Variants in GSG1L observed in about 807,000 individuals in gnomAD.
The protein encoded by GSG1L is germ cell-specific gene 1-like protein.
Under a neutral mutation model 42.1 loss-of-function variants are expected in GSG1L, and 24 were observed. The ratio of observed to expected loss-of-function variants is 0.57; its 90% CI spans 0.41 to 0.80. The LOEUF (loss-of-function observed/expected upper bound fraction) is 0.80. Among genes scored for constraint, GSG1L ranks in the 30% least tolerant of loss-of-function variants. The pLI, the probability that GSG1L is intolerant of heterozygous loss-of-function variation, is 0.00. For missense variants in GSG1L, 445 were observed against 472.2 expected (o/e 0.94, Z 0.53); for synonymous variants, 215 against 203.5 (o/e 1.06, Z -0.48).
chr16:27,859,274 C>T (rs2083614783), intron 3 of GSG1L, among the ~76,000 whole-genome samples: 1 of 152,130 alleles, frequency 6.6e-6, no homozygotes. Context: ...TCTGGCTCTG[C>T]GAGGCCCACC....
chr16:28,043,047 G>A (rs2086125211), intron 1 of GSG1L, among the ~76,000 whole-genome samples: 1 of 152,204 alleles, frequency 6.6e-6, no homozygotes, highest in Non-Finnish European at 1.5e-5. Flanking sequence ...CCGAGCTCCA[G>A]AAAGTTAATT....
chr16:27,866,666 G>C (rs1369441287), intron 3 of GSG1L, among the ~76,000 whole-genome samples: 1 of 152,112 alleles, frequency 6.6e-6, no homozygotes, highest in Non-Finnish European at 1.5e-5. Context: ...CCGCCCCCCA[G>C]GTTCAAGCCA....
rs191147571 is a variant in GSG1L at position 27,848,993 on chromosome 16, C to T, written c.551-3932G>A. 8.6e-5 allele frequency among the ~76,000 whole-genome samples: 13 copies of T among 152,012 alleles called. No homozygotes were observed. In the East Asian group the frequency reaches 2.5e-3, roughly 30 times the overall value. On this transcript the variant is annotated intron_variant, in intron 3 of 6. Transcript: ENST00000447459. ...GGTGGATCACCTGAGGTCAGGGGTTCGAAACCAGCCTGACCAACATGGCAA... is the reference window on the plus strand; with the variant it reads ...GGTGGATCACCTGAGGTCAGGGGTTTGAAACCAGCCTGACCAACATGGCAA...
chr16:27,824,897 C>G (rs569482228), intron 5 of GSG1L, among the ~76,000 whole-genome samples: 42 of 152,388 alleles, frequency 2.8e-4, no homozygotes, highest in African/African-American at 8.9e-4. Context: ...CAGCTTTGGA[C>G]ATCTGGCTGC....
At chr16:27,830,238 T>C (rs1048470344) in intron 4 of GSG1L, among the ~76,000 whole-genome samples, 1 of 152,206 alleles carries the variant, frequency 6.6e-6, no homozygotes, top group African/African-American at 2.4e-5. Flanking sequence ...GTCTCTGCCT[T>C]GGTAACTGGT....
chr16:27,870,669 C>T (rs1412834607), intron 3 of GSG1L, among the ~76,000 whole-genome samples: 4 of 151,556 alleles, frequency 2.6e-5, no homozygotes, highest in African/African-American at 9.8e-5. Context: ...CTCACACGCC[C>T]AGAATGCACC....
chr16:28,042,516 G>A (rs2086118520), intron 1 of GSG1L, among the ~76,000 whole-genome samples: 2 of 151,796 alleles, frequency 1.3e-5, no homozygotes, highest in Non-Finnish European at 2.9e-5. Flanking sequence ...ATGCTAACCA[G>A]CAGTACCATT....
chr16:27,890,068 G>C (rs967702137), intron 2 of GSG1L, among the ~76,000 whole-genome samples: 12 of 152,170 alleles, frequency 7.9e-5, no homozygotes, highest in African/African-American at 2.9e-4. Context: ...CGTCAGGACA[G>C]AGTGGCCACT....
chr16:27,946,746 C>T (rs944895108), intron 2 of GSG1L, among the ~76,000 whole-genome samples: 1 of 151,892 alleles, frequency 6.6e-6, no homozygotes, highest in African/African-American at 2.4e-5. Context: ...GAATTCTGTG[C>T]GTTATTCTAT....
intron 1 of GSG1L, among the ~76,000 whole-genome samples, chr16:28,047,506 G>C (rs1015475379): frequency 6.6e-6 from 1 of 151,918 alleles, no homozygotes; most frequent in African/African-American, 2.4e-5. Context: ...TAAGACTCTC[G>C]GATTGTACCA....
At chr16:27,946,579 AAGAGAGAGAGAGAG>A (rs1166800286) in intron 2 of GSG1L, among the ~76,000 whole-genome samples, 19 of 37,032 alleles carry the variant, frequency 5.1e-4, no homozygotes, top group Middle Eastern at 0.014. Context: ...GAAAGAAAGA[AAGAGAGAGAGAGAG>A]AGAGAGAGAG....
At chr16:27,921,394 T>G (rs140596791) in intron 2 of GSG1L, among the ~76,000 whole-genome samples, 1 of 152,320 alleles carries the variant, frequency 6.6e-6, no homozygotes, top group East Asian at 1.9e-4. Context: ...GGTGCCGGTG[T>G]GTTGTTAAAG....
intron 5 of GSG1L, among the ~76,000 whole-genome samples, chr16:27,824,432 C>G (rs911621782): frequency 3.3e-5 from 5 of 152,152 alleles, no homozygotes; most frequent in African/African-American, 9.7e-5. Context: ...CCCTTGAGTT[C>G]CTGGCTGCGG....
intron 2 of GSG1L, among the ~76,000 whole-genome samples, chr16:27,930,996 T>C (rs986201980): frequency 1.3e-5 from 2 of 152,124 alleles, no homozygotes; most frequent in African/African-American, 4.8e-5. Context: ...AAGTGATTCT[T>C]CCGCCTCGGC....
intron 3 of GSG1L, among the ~76,000 whole-genome samples, chr16:27,872,591 G>T (rs2083835781): frequency 6.6e-6 from 1 of 152,158 alleles, no homozygotes; most frequent in African/African-American, 2.4e-5. Context: ...GAGTTAGGAG[G>T]TCGGCAGAAG....
intron 1 of GSG1L, among the ~76,000 whole-genome samples, chr16:27,982,899 C>T (rs981702232): frequency 6.6e-6 from 1 of 152,172 alleles, no homozygotes; most frequent in Non-Finnish European, 1.5e-5. Flanking sequence ...CCAGTCCCCA[C>T]CTCCAACATG....
intron 2 of GSG1L, among the ~76,000 whole-genome samples, chr16:27,907,125 T>C (rs914347970): frequency 6.6e-6 from 1 of 152,348 alleles, no homozygotes; most frequent in African/African-American, 2.4e-5. Context: ...CCTGGGAATT[T>C]GCAGAAACAT....
At chr16:28,021,281 A>C (rs2085839945) in intron 1 of GSG1L, among the ~76,000 whole-genome samples, 1 of 152,130 alleles carries the variant, frequency 6.6e-6, no homozygotes, top group African/African-American at 2.4e-5. Flanking sequence ...AGTGATAACT[A>C]ATCCAGATGG....
Position 28,040,030 on chromosome 16 carries a change from C to T in GSG1L, c.349+23046G>A, listed in dbSNP as rs1341848782. Among the ~76,000 whole-genome samples, 4 of 152,154 alleles carry T rather than the reference C, an allele frequency of 2.6e-5. No homozygotes were observed. Among genetic ancestry groups the T allele is most frequent in the Non-Finnish European group, 5.9e-5 (4 of 68,024 alleles). On this transcript the variant is annotated intron_variant, in intron 1 of 6. Transcript: ENST00000447459. The surrounding 1 kb of genome is among the most constrained non-coding windows in gnomAD (Gnocchi z 4.1). ...CTGGAGCCAAAACCCTAAGGGAGACCCCTGACTCCTCTCCTTCCCCTGCTG... is the reference window on the plus strand; with the variant it reads ...CTGGAGCCAAAACCCTAAGGGAGACTCCTGACTCCTCTCCTTCCCCTGCTG...
Sources: allele counts gnomAD v4.1 joint callset (sites outside exome capture counted in the v4.1 genomes callset), GRCh38; gene constraint gnomAD v4.1.1; non-coding constraint Gnocchi (gnomAD v3.1); transcripts MANE v1.5; gene names NCBI Gene and HGNC (gene_info 2026-07-23, HGNC 2026-07-21).